NLRP5: variants seen among roughly 807,000 people sequenced by gnomAD.
The protein encoded by NLRP5 is NACHT, LRR and PYD domains-containing protein 5.
NLRP5 carries 93 observed loss-of-function variants against 113.1 expected under a neutral mutation model. The ratio of observed to expected loss-of-function variants is 0.82; its 90% confidence interval spans 0.70 to 0.98. The LOEUF (loss-of-function observed/expected upper bound fraction) is 0.98. NLRP5 is among the 50% of genes least tolerant of loss of function. The pLI is 0.00. For missense variants in NLRP5, 1,808 were observed against 1,514.3 expected, an observed-to-expected ratio of 1.19 and a Z score of -3.22; for synonymous variants, 751 against 600.7, an observed-to-expected ratio of 1.25 and a Z score of -3.66.
chr19:56,032,663 C>T lies in NLRP5; in HGVS notation c.2329C>T (p.Leu777Phe). 2 of 1,613,802 alleles carry T rather than the reference C, an allele frequency of 1.2e-6. No individual in the cohort carries two copies. The highest frequency in any genetic ancestry group is 1.1e-5 in the South Asian group (1 of 91,050). Residue 777 changes from leucine (L) to phenylalanine (F), a missense_variant, in exon 8 of 15, where the codon CTT (leucine) becomes TTT (phenylalanine). Physicochemically the swap from Leu to Phe is conservative, Grantham distance 22. Coordinates refer to ENST00000390649, the MANE Select transcript of NLRP5 (RefSeq NM_153447.4). ...GCAGTGGGAAGATTTCTGCTCCATGCTTGGCACCCACCCACACCTGCGGCA... is the reference window on the plus strand; with the variant it reads ...GCAGTGGGAAGATTTCTGCTCCATGTTTGGCACCCACCCACACCTGCGGCA...
the NLRP5 span, among the ~76,000 whole-genome samples, chr19:55,992,663 A>G: frequency 6.6e-6 from 1 of 152,108 alleles, no homozygotes; most frequent in African/African-American, 2.4e-5. Flanking sequence ...TTTGTTGACA[A>G]ATTGTCTACA....
chr19:56,050,493 G>A lies in NLRP5; in HGVS notation c.3033G>A (p.Thr1011=), dbSNP rs187988999. The change falls in exon 12 of 15, where the codon ACG becomes ACA. Residue 1011 remains threonine, a synonymous_variant. Coordinates refer to ENST00000390649, the MANE Select transcript of NLRP5 (RefSeq NM_153447.4). Reference sequence around the variant, plus strand: ...CGCTTATGGGTAACTCATGGCTGACGCACCTGAGCCTTAGCATGAACCCTG... The same window carrying A: ...CGCTTATGGGTAACTCATGGCTGACACACCTGAGCCTTAGCATGAACCCTG... The A allele has an allele frequency of 1.5e-5, 24 of 1,613,834 alleles. No individual in the cohort carries two copies. The highest frequency in any genetic ancestry group is 1.1e-4 in the African/African-American group (8 of 75,024).
rs1444070557 is a variant in NLRP5, at chr19:56,007,143, A to C, written c.443-1645A>C. Among the ~76,000 whole-genome samples the C allele has an allele frequency of 2.0e-5, 3 of 151,432 alleles. 1 individual carries two copies. The highest frequency in any genetic ancestry group is 7.4e-5 in the African/African-American group (3 of 40,762). ...TTTGAGAGTCCTAGGCGGGCGGATC[A>C]CTTGAGGTCAGGAGTTCAAGACTAG... On this transcript the variant is annotated intron_variant, in intron 2 of 14. Transcript: ENST00000390649.
At chr19:55,998,698 ATATATGTG>A (rs1383010558), upstream of NLRP5, among the ~76,000 whole-genome samples, 18 of 76,020 alleles carry the variant, frequency 2.4e-4, no homozygotes, top group East Asian at 9.3e-4. Context: ...ATATATATAT[ATATATGTG>A]TGTGTGTGTA....
rs773659660 is a variant in NLRP5 at position 56,027,698 on chromosome 19, G to C, written c.1465G>C (p.Glu489Gln). ...CCTGCAGCTGCAGGACGTGGTGGGG[G>C]AGAGCGTCGCCCCCTTCAACCAAAC... The change falls in exon 7 of 15, where the codon GAG becomes CAG. Residue 489 changes from glutamate to glutamine, a missense_variant. By Grantham distance (29) the Glu-to-Gln change is conservative. Coordinates refer to ENST00000390649, the MANE Select transcript of NLRP5 (RefSeq NM_153447.4). 5 of 1,613,336 alleles carry C rather than the reference G, an allele frequency of 3.1e-6. No individual in the cohort carries two copies. The African/African-American group carries it at 4.0e-5, about 13-fold the overall frequency.
chr19:56,009,074 C>G (rs928559917), intron 3 of NLRP5, among the ~76,000 whole-genome samples: 1 of 152,048 alleles, frequency 6.6e-6, no homozygotes, highest in Admixed American at 6.6e-5. Flanking sequence ...TCTAGTGGCT[C>G]ATGCCTGTAA....
intron 6 of NLRP5, among the ~76,000 whole-genome samples, chr19:56,023,991 T>A (rs961472578): frequency 6.6e-6 from 1 of 152,048 alleles, no homozygotes; most frequent in African/African-American, 2.4e-5. Context: ...CTATCAGATA[T>A]CAGAGGCTGA....
intron 2 of NLRP5, among the ~76,000 whole-genome samples, chr19:56,005,644 G>GCA (rs1981878807): frequency 7.0e-6 from 1 of 141,902 alleles, no homozygotes; most frequent in Admixed American, 7.0e-5. Context: ...ACACACACAC[G>GCA]CGCGCAGGTG....
chr19:55,992,837 T>C, the NLRP5 span, among the ~76,000 whole-genome samples: 1 of 128,264 alleles, frequency 7.8e-6, no homozygotes, highest in African/African-American at 2.8e-5. Context: ...GACACATAAC[T>C]GTACATATTT....
chr19:56,046,308 G>GGATT (rs1241193555), intron 11 of NLRP5, among the ~76,000 whole-genome samples: 2 of 152,078 alleles, frequency 1.3e-5, no homozygotes, highest in Non-Finnish European at 2.9e-5. Flanking sequence ...TGATCATGGT[G>GGATT]GATTATCTGA....
Position 56,050,467 on chromosome 19 carries a change from G to A in NLRP5, c.3007G>A (p.Ala1003Thr), listed in dbSNP as rs770016145. 1.2e-6 allele frequency: 2 copies of A among 1,613,738 alleles called. No individual in the cohort carries two copies. The highest frequency in any genetic ancestry group is 1.7e-6 in the Non-Finnish European group (2 of 1,179,872). The change falls in exon 12 of 15, where the codon GCG (alanine) becomes ACG (threonine). Residue 1003 changes from alanine to threonine, a missense_variant. Transcript: ENST00000390649. ...GGCTGGCTGTGGTTTTCTTGCACTTGCGCTTATGGGTAACTCATGGCTGAC... is the reference window on the plus strand; with the variant it reads ...GGCTGGCTGTGGTTTTCTTGCACTTACGCTTATGGGTAACTCATGGCTGAC...
At chr19:56,009,572 A>G (rs932029023) in intron 3 of NLRP5, among the ~76,000 whole-genome samples, 1 of 152,112 alleles carries the variant, frequency 6.6e-6, no homozygotes, top group Non-Finnish European at 1.5e-5. Context: ...CGTATTTACA[A>G]TACATCGTTG....
At chr19:56,046,707 A>AT (rs575082603) in intron 11 of NLRP5, among the ~76,000 whole-genome samples, 10,770 of 149,528 alleles carry the variant, frequency 0.072, 437 homozygotes, top group African/African-American at 0.11. Flanking sequence ...CGGCCGGCTA[A>AT]TTTTTTTTTT....
At chr19:56,042,655 T>A (rs1423915769) in intron 11 of NLRP5, among the ~76,000 whole-genome samples, 1 of 152,114 alleles carries the variant, frequency 6.6e-6, no homozygotes, top group African/African-American at 2.4e-5. Context: ...GTTACATGAG[T>A]AAGTTCTTTA....
At chr19:56,029,433 T>C (rs1983008251) in intron 7 of NLRP5, among the ~76,000 whole-genome samples, 1 of 151,596 alleles carries the variant, frequency 6.6e-6, no homozygotes, top group Non-Finnish European at 1.5e-5. Flanking sequence ...ACCTGGCTAA[T>C]TTTTGTATTT....
chr19:56,046,517 T>G (rs927166075), intron 11 of NLRP5, among the ~76,000 whole-genome samples: 2 of 151,734 alleles, frequency 1.3e-5, no homozygotes, highest in East Asian at 3.9e-4. Flanking sequence ...TCTTGTGGAA[T>G]AGTGTCGAAA....
intron 11 of NLRP5, 104 bp from the exon 12 acceptor site, chr19:56,050,314 C>T: frequency 9.2e-7 from 1 of 1,085,104 alleles, no homozygotes; most frequent in Non-Finnish European, 1.3e-6. Context: ...ATGACCCCAC[C>T]CTACACAGAA....
chr19:56,048,193 G>A (rs551102141), intron 11 of NLRP5, among the ~76,000 whole-genome samples: 20 of 152,240 alleles, frequency 1.3e-4, no homozygotes, highest in East Asian at 5.8e-4. Flanking sequence ...TAAGTGGAGC[G>A]TTTGGACCGT....
intron 11 of NLRP5, among the ~76,000 whole-genome samples, chr19:56,048,231 G>A (rs914256354): frequency 1.3e-5 from 2 of 152,178 alleles, no homozygotes; most frequent in African/African-American, 4.8e-5. Context: ...ATGGAGATGT[G>A]AGGTACCATT....
Sources: allele counts gnomAD v4.1 joint callset (sites outside exome capture counted in the v4.1 genomes callset), GRCh38; gene constraint gnomAD v4.1.1; transcripts MANE v1.5; gene names NCBI Gene and HGNC (gene_info 2026-07-23, HGNC 2026-07-21).